FSD2: variants seen among roughly 807,000 people sequenced by gnomAD.
FSD2 encodes fibronectin type III and SPRY domain-containing protein 2.
A neutral mutation model predicts 80.4 loss-of-function variants in FSD2; 71 were observed. That is an observed-to-expected ratio of 0.88 (90% CI 0.73 to 1.08). FSD2 has a LOEUF of 1.08. FSD2 is among the 50% of genes least tolerant of loss of function. The pLI is 0.00. For missense variants in FSD2, 923 were observed against 913.8 expected, an observed-to-expected ratio of 1.01 and a Z score of -0.13; for synonymous variants, 361 against 329.5, an observed-to-expected ratio of 1.10 and a Z score of -1.03.
intron 1 of FSD2, among the ~76,000 whole-genome samples, chr15:82,802,253 A>G (rs1234831792): frequency 2.0e-5 from 3 of 152,110 alleles, no homozygotes; most frequent in African/African-American, 7.2e-5. Context: ...CTCCCCCTCC[A>G]TACATACCAG....
chr15:82,776,724 TA>T (rs948849631), intron 6 of FSD2, among the ~76,000 whole-genome samples: 6 of 148,508 alleles, frequency 4.0e-5, no homozygotes, highest in Non-Finnish European at 6.0e-5. Context: ...TTTACAGAAA[TA>T]AAAAAAAAAT....
chr15:82,759,509 G>A lies in FSD2; in HGVS notation c.2089C>T (p.His697Tyr), dbSNP rs2151482709. The A allele has an allele frequency of 1.9e-6, 3 of 1,611,808 alleles. No individual in the cohort carries two copies. The highest frequency in any genetic ancestry group is 4.5e-5 in the East Asian group (2 of 44,856). Reference protein sequence around the residue: ...KKIGILLDYEHSKLSFFNVDL... With the variant: ...KKIGILLDYEYSKLSFFNVDL... Reference sequence around the variant, plus strand: ...ACATTGAAAAATGACAACTTTGAATGTTCATAGTCTAATAGAATGCCAATC... The same window carrying A: ...ACATTGAAAAATGACAACTTTGAATATTCATAGTCTAATAGAATGCCAATC... The change falls in exon 13 of 13, where the codon CAT becomes TAT. Residue 697 changes from histidine to tyrosine, a missense_variant. By Grantham distance (83) the His-to-Tyr change is moderately conservative (BLOSUM62 2). Transcript: ENST00000334574.
At chr15:82,781,453 A>T (rs2049851584) in intron 4 of FSD2, among the ~76,000 whole-genome samples, 1 of 152,170 alleles carries the variant, frequency 6.6e-6, no homozygotes, top group South Asian at 2.1e-4. Context: ...CATATTTAGC[A>T]ACCAGGAAGC....
At chr15:82,805,140 A>ATTTTTT (rs57346494) in intron 1 of FSD2, among the ~76,000 whole-genome samples, 9 of 131,610 alleles carry the variant, frequency 6.8e-5, no homozygotes, top group African/African-American at 2.3e-4. Flanking sequence ...TCCCCCAATA[A>ATTTTTT]TTTTTTTTTT....
intron 7 of FSD2, among the ~76,000 whole-genome samples, chr15:82,771,463 AG>A (rs2049568260): frequency 6.6e-6 from 1 of 152,154 alleles, no homozygotes; most frequent in African/African-American, 2.4e-5. Context: ...TGATTATTGT[AG>A]TATGGGGGGC....
rs545349864 is a variant in FSD2 at position 82,756,429 on chromosome 15, C to T, written c.*2919G>A. ...AGGCCCCACTGTCCATGCATTTGCT[C>T]TGCTTTTTACTTTTGACCAAGTATA... On this transcript the variant is annotated 3_prime_UTR_variant, in exon 13 of 13. Transcript: ENST00000334574. The T allele has an allele frequency of 6.5e-5, 10 of 152,938 alleles. No homozygotes were observed. Among genetic ancestry groups the T allele is most frequent in the African/African-American group, 2.4e-4 (10 of 41,568 alleles). 9.5% of individuals were successfully genotyped at this position (152,938 alleles called of 1,614,324 possible). A position where few individuals can be genotyped will look rare whatever the true frequency, so the allele number is the denominator to read the frequency against.
Position 82,779,711 on chromosome 15 carries a change from A to G in FSD2, c.989+534T>C, listed in dbSNP as rs967794452. Among the ~76,000 whole-genome samples the G allele has an allele frequency of 3.3e-5, 5 of 152,192 alleles. No individual in the cohort carries two copies. In the East Asian group the frequency reaches 9.7e-4, roughly 29 times the overall value. On this transcript the variant is annotated intron_variant, in intron 5 of 12. Coordinates refer to ENST00000334574, the MANE Select transcript of FSD2 (RefSeq NM_001007122.4). The stretch of plus-strand genomic sequence containing the variant: ...TGAAACCAGTTCCATCTTTGCCAAA[A>G]TCCCTGCAGGGATTACATTATGAAA...
chr15:82,798,426 A>G (rs1247406081), intron 1 of FSD2, among the ~76,000 whole-genome samples: 1 of 152,154 alleles, frequency 6.6e-6, no homozygotes, highest in Non-Finnish European at 1.5e-5. Context: ...AAATTCCCCA[A>G]ATTGTGCAGC....
Position 82,787,242 on chromosome 15 carries a change from T to A in FSD2, c.149A>T (p.Glu50Val). 6.2e-7 allele frequency: 1 copy of A among 1,613,964 alleles called. No individual in the cohort carries two copies. The highest frequency in any genetic ancestry group is 8.5e-7 in the Non-Finnish European group (1 of 1,179,888). The change falls in exon 2 of 13, where the codon GAA becomes GTA. Residue 50 changes from glutamate to valine, a missense_variant. Coordinates refer to ENST00000334574, the MANE Select transcript of FSD2 (RefSeq NM_001007122.4). ...TGCTCCTCTTGACTCATTGGCCATT[T>A]CAGCTTGGACTACTTTCCTCATCCT... ...NTRMRKVVQA[E>V]MANESRGAGD...
rs10635621 is a variant in FSD2 at position 82,785,300 on chromosome 15, A to ATTATTTATTTAT, written c.735+1199_735+1210dup. Among the ~76,000 whole-genome samples, 261 of 147,024 alleles carry ATTATTTATTTAT rather than the reference A, an allele frequency of 1.8e-3. 1 individual carries two copies. The highest frequency in any genetic ancestry group is 5.0e-3 in the African/African-American group (199 of 39,666). On this transcript the variant is annotated intron_variant, in intron 3 of 12. Transcript: ENST00000334574. ...ATTGCTAACTAGACAAAGGCAATAC[A>ATTATTTATTTAT]TTATTTATTTATTTATTTATTTATT...
At chr15:82,769,457 C>T (rs1217852644) in intron 8 of FSD2, among the ~76,000 whole-genome samples, 1 of 151,978 alleles carries the variant, frequency 6.6e-6, no homozygotes, top group African/African-American at 2.4e-5. Context: ...CACCTGTAAT[C>T]CCAGCTACTT....
chr15:82,787,464 G>C lies in FSD2; in HGVS notation c.-74C>G. The C allele has an allele frequency of 7.0e-7, 1 of 1,428,662 alleles. No homozygotes were observed. The highest frequency in any genetic ancestry group is 9.4e-7 in the Non-Finnish European group (1 of 1,060,430). 88.5% of individuals were successfully genotyped at this position (1,428,662 alleles called of 1,614,324 possible). A position where few individuals can be genotyped will look rare whatever the true frequency, so the allele number is the denominator to read the frequency against. On this transcript the variant is annotated 5_prime_UTR_variant, in exon 2 of 13. Coordinates refer to ENST00000334574, the MANE Select transcript of FSD2 (RefSeq NM_001007122.4). ...CCTGGACACTTAATAGTGAATATCT[G>C]GGCCCTGGAACACAAAAGGAGGAGG... is the stretch of plus-strand genomic sequence containing the variant.
At chr15:82,801,345 C>T (rs1364678866) in intron 1 of FSD2, among the ~76,000 whole-genome samples, 3 of 152,160 alleles carry the variant, frequency 2.0e-5, no homozygotes, top group Non-Finnish European at 2.9e-5. Context: ...ACCCTGCCTT[C>T]GAAATCCCTC....
intron 6 of FSD2, among the ~76,000 whole-genome samples, chr15:82,776,058 G>A (rs2049706761): frequency 6.6e-6 from 1 of 152,168 alleles, no homozygotes; most frequent in Non-Finnish European, 1.5e-5. Flanking sequence ...GCTGAGGTAG[G>A]AGGATTACTT....
In FSD2 at chr15:82,759,470, G is replaced by A; in HGVS notation, c.2128C>T (p.His710Tyr). The A allele has an allele frequency of 1.2e-6, 2 of 1,613,482 alleles. No homozygotes were observed. Among genetic ancestry groups the A allele is most frequent in the Non-Finnish European group, 1.7e-6 (2 of 1,179,648 alleles). The change falls in exon 13 of 13, where the codon CAT becomes TAT. Residue 710 changes from histidine to tyrosine, a missense_variant. By Grantham distance (83) the His-to-Tyr change is moderately conservative. Transcript: ENST00000334574. Reference protein sequence around the residue: ...LSFFNVDLSQHLYTFSCQLHE... With the variant: ...LSFFNVDLSQYLYTFSCQLHE... ...AGCTGACAACTAAATGTATATAGAT[G>A]CTGAGAAAGGTCCACATTGAAAAAT...
chr15:82,800,989 C>T (rs2050399438), intron 1 of FSD2, among the ~76,000 whole-genome samples: 1 of 152,180 alleles, frequency 6.6e-6, no homozygotes, highest in South Asian at 2.1e-4. Context: ...TAGAAAAACT[C>T]TCCTACACCT....
chr15:82,777,293 C>T (rs2049737111), intron 6 of FSD2, among the ~76,000 whole-genome samples: 1 of 152,038 alleles, frequency 6.6e-6, no homozygotes, highest in African/African-American at 2.4e-5. Flanking sequence ...AAACAACCTG[C>T]AGAATAGAAG....
At chr15:82,761,225 C>T (rs2049289528) in intron 12 of FSD2, among the ~76,000 whole-genome samples, 1 of 152,106 alleles carries the variant, frequency 6.6e-6, no homozygotes, top group Non-Finnish European at 1.5e-5. Context: ...GTCAGAGGCC[C>T]CATTTTACAA....
chr15:82,776,725 A>T (rs1293819081), intron 6 of FSD2, among the ~76,000 whole-genome samples: 1 of 150,338 alleles, frequency 6.7e-6, no homozygotes, highest in East Asian at 1.9e-4. Context: ...TTACAGAAAT[A>T]AAAAAAAAAT....
Sources: gnomAD v4.1 joint callset for allele counts (sites outside exome capture counted in the v4.1 genomes callset) on GRCh38, gnomAD v4.1.1 for gene constraint, MANE v1.5 for transcripts, NCBI Gene and HGNC (gene_info 2026-07-23, HGNC 2026-07-21) for gene names.